CPT1A: variants seen among roughly 807,000 people sequenced by gnomAD.
The protein encoded by CPT1A is carnitine palmitoyltransferase 1A, also known as carnitine O-palmitoyltransferase 1, liver isoform.
Under a neutral mutation model 100.8 loss-of-function variants are expected in CPT1A, and 64 were observed. The observed-to-expected ratio is 0.63, with a 90% CI of 0.52 to 0.78. The LOEUF (loss-of-function observed/expected upper bound fraction) is 0.78, where lower values mean the gene tolerates loss of function less well. Ranked by LOEUF, CPT1A falls within the 30% of genes least tolerant of loss-of-function variation. The probability of loss-of-function intolerance (pLI) is 0.00; values close to 1 mark genes in which losing one functional copy is unlikely to be tolerated. For synonymous variants in CPT1A, 363 were observed against 396.0 expected (o/e 0.92, Z 0.99); for missense variants, 802 against 1,034.1 (o/e 0.78, Z 3.08).
chr11:68,764,128 T>C (rs4930608), intron 14 of CPT1A, among the ~76,000 whole-genome samples: 119,570 of 152,152 alleles, frequency 0.79, 47,688 homozygotes, highest in East Asian at 0.88. Context: ...CTGCTGGGAA[T>C]AGCAGATGGT....
At chr11:68,788,630 T>TAAAAAAAAAAAAAAAAAAAAAAAAAGAAA in intron 9 of CPT1A, among the ~76,000 whole-genome samples, 3 of 27,536 alleles carry the variant, frequency 1.1e-4, no homozygotes, top group Non-Finnish European at 1.9e-4. Flanking sequence ...CAAACAAAAG[T>TAAAAAAAAAAAAAAAAAAAAAAAAAGAAA]AAAAAAAAAA....
intron 1 of CPT1A, among the ~76,000 whole-genome samples, chr11:68,829,212 C>T (rs2154002467): frequency 6.6e-6 from 1 of 152,294 alleles, no homozygotes; most frequent in Non-Finnish European, 1.5e-5. Flanking sequence ...GCGTGTCCCA[C>T]CAGCAACACG....
chr11:68,799,044 G>C (rs1855829717), intron 6 of CPT1A, among the ~76,000 whole-genome samples, 174 bp downstream of exon 6: 1 of 152,160 alleles, frequency 6.6e-6, no homozygotes, highest in Non-Finnish European at 1.5e-5. Flanking sequence ...CTACACGTCA[G>C]TCCTAACACA....
At chr11:68,763,087 G>A (rs1170071292) in intron 14 of CPT1A, among the ~76,000 whole-genome samples, 2 of 152,216 alleles carry the variant, frequency 1.3e-5, no homozygotes, top group African/African-American at 2.4e-5. Flanking sequence ...TGGCTCAAGC[G>A]ATCCACCCGC....
chr11:68,829,701 G>A (rs138249133), intron 1 of CPT1A, among the ~76,000 whole-genome samples: 255 of 152,334 alleles, frequency 1.7e-3, no homozygotes, highest in African/African-American at 5.8e-3. Flanking sequence ...ACTCGTGGAG[G>A]AGGCAGCTCT....
intron 11 of CPT1A, 50 bp from the exon 12 acceptor site, chr11:68,780,795 TGAG>T: frequency 7.4e-7 from 1 of 1,351,598 alleles, no homozygotes; most frequent in Non-Finnish European, 1.1e-6. Flanking sequence ...GAGGCAACAA[TGAG>T]GAGACATTGC....
intron 9 of CPT1A, among the ~76,000 whole-genome samples, chr11:68,786,638 C>T (rs1334512623): frequency 2.0e-5 from 3 of 152,224 alleles, no homozygotes; most frequent in Non-Finnish European, 2.9e-5. Context: ...TCAAGCTTCT[C>T]CTGCCTCAGC....
At chr11:68,781,695 G>T (rs1855314564) in intron 11 of CPT1A, 76 bp downstream of exon 11, 4 of 1,186,560 alleles carry the variant, frequency 3.4e-6, no homozygotes, top group East Asian at 2.3e-5. Flanking sequence ...ATACTTAGGG[G>T]TGAGTGTCAG....
intron 1 of CPT1A, among the ~76,000 whole-genome samples, chr11:68,828,478 A>C (rs1374625393): frequency 1.3e-5 from 2 of 152,022 alleles, no homozygotes; most frequent in African/African-American, 4.8e-5. Flanking sequence ...CCTTTCATCG[A>C]GGGCAGGAGG....
intron 1 of CPT1A, among the ~76,000 whole-genome samples, chr11:68,837,392 C>T (rs1261504221): frequency 6.6e-6 from 1 of 152,210 alleles, no homozygotes; most frequent in East Asian, 1.9e-4. Flanking sequence ...GGAAAGCTGT[C>T]TGTGGTGACT....
intron 1 of CPT1A, among the ~76,000 whole-genome samples, chr11:68,820,428 A>G (rs1378195638): frequency 6.6e-6 from 1 of 151,016 alleles, no homozygotes; most frequent in Non-Finnish European, 1.5e-5. Flanking sequence ...CATGCCTGTA[A>G]TCCCAGCACT....
intron 1 of CPT1A, chr11:68,839,800 C>G: frequency 1.3e-6 from 1 of 755,916 alleles, no homozygotes; most frequent in Non-Finnish European, 1.6e-6. Flanking sequence ...GGAGGCCCAA[C>G]TTGACCGCTC....
At chr11:68,778,323 G>A (rs1855196793) in intron 12 of CPT1A, among the ~76,000 whole-genome samples, 1 of 152,174 alleles carries the variant, frequency 6.6e-6, no homozygotes, top group Admixed American at 6.5e-5. Flanking sequence ...GCCAGGGGAA[G>A]CCAGGGGGAA....
chr11:68,769,864 C>T (rs898540229), intron 14 of CPT1A, among the ~76,000 whole-genome samples: 3 of 152,060 alleles, frequency 2.0e-5, no homozygotes, highest in Admixed American at 6.5e-5. Context: ...GCCTGGCCAA[C>T]GTGGTGAAAC....
intron 1 of CPT1A, among the ~76,000 whole-genome samples, chr11:68,831,929 G>A (rs995527317): frequency 6.6e-6 from 1 of 152,032 alleles, no homozygotes; most frequent in African/African-American, 2.4e-5. Flanking sequence ...CACTGTGCCC[G>A]ACCCAGAACA....
At chr11:68,797,238 G>A (rs1385823083) in intron 6 of CPT1A, among the ~76,000 whole-genome samples, 5 of 152,122 alleles carry the variant, frequency 3.3e-5, no homozygotes, top group Non-Finnish European at 5.9e-5. Flanking sequence ...CCAGGAGTTC[G>A]AGACCAGGCT....
At chr11:68,774,121 C>G (rs1855077896) in intron 13 of CPT1A, among the ~76,000 whole-genome samples, 1 of 152,248 alleles carries the variant, frequency 6.6e-6, no homozygotes, top group East Asian at 1.9e-4. Context: ...CGCACTTAAT[C>G]TCCCAAGTTG....
At chr11:68,794,723 T>G (rs752938256) in intron 8 of CPT1A, 81 bp downstream of exon 8, 8 of 1,248,114 alleles carry the variant, frequency 6.4e-6, no homozygotes, top group African/African-American at 1.5e-5. Context: ...AAACTGTATA[T>G]TTTAAACATG....
At chr11:68,778,664 C>G (rs1855209337) in intron 12 of CPT1A, among the ~76,000 whole-genome samples, 1 of 151,574 alleles carries the variant, frequency 6.6e-6, no homozygotes, top group Admixed American at 6.6e-5. Context: ...CCACTGCACA[C>G]CAGCCTGGGT....
Sources: allele counts gnomAD v4.1 joint callset (sites outside exome capture counted in the v4.1 genomes callset), GRCh38; gene constraint gnomAD v4.1.1; transcripts MANE v1.5; gene names NCBI Gene and HGNC (gene_info 2026-07-23, HGNC 2026-07-21).